PABPC1: variants seen among roughly 807,000 people sequenced by gnomAD.
The protein encoded by PABPC1 is poly(A) binding protein cytoplasmic 1, also known as polyadenylate-binding protein 1.
PABPC1 carries 4 observed loss-of-function variants against 74.0 expected under a neutral mutation model. The observed-to-expected ratio is 0.05, with a 90% CI of 0.03 to 0.12. PABPC1 has a LOEUF of 0.12. Among genes scored for constraint, PABPC1 ranks in the 10% least tolerant of loss-of-function variants. The probability of loss-of-function intolerance (pLI) is 1.00; values close to 1 mark genes in which losing one functional copy is unlikely to be tolerated. For missense variants in PABPC1, 271 were observed against 821.1 expected (o/e 0.33, Z 8.19); for synonymous variants, 227 against 264.1 (o/e 0.86, Z 1.36).
intron 7 of PABPC1, among the ~76,000 whole-genome samples, chr8:100,711,049 T>G (rs1357127233): frequency 1.3e-5 from 2 of 152,102 alleles, no homozygotes; most frequent in Admixed American, 1.3e-4. Context: ...CCCAACACTT[T>G]AGGAGGTCAC....
In PABPC1 at chr8:100,712,468, G is replaced by GA; in HGVS notation, c.877-12dup. The GA allele has an allele frequency of 6.4e-7, 1 of 1,561,180 alleles. No individual in the cohort carries two copies. ...ATAAAGATTAACACCCTAAAAAGAAGAAAAGAAAACTATAGAAAAAGAAAA... is the reference window on the plus strand; with the variant it reads ...ATAAAGATTAACACCCTAAAAAGAAGAAAAAGAAAACTATAGAAAAAGAAAA... On this transcript the variant is annotated splice_polypyrimidine_tract_variant and intron_variant, in intron 6 of 14. Coordinates refer to ENST00000318607, the MANE Select transcript of PABPC1 (RefSeq NM_002568.4).
chr8:100,712,286 A>G, intron 7 of PABPC1, 76 bp downstream of exon 7: 1 of 842,050 alleles, frequency 1.2e-6, no homozygotes, highest in Non-Finnish European at 1.9e-6. Context: ...CTATAATAAT[A>G]CAAAATTTAT....
At position 100,712,806 on chromosome 8, in the gene PABPC1, A is replaced by AAG. The variant is rs1810564235; in HGVS notation, c.739-19_739-18dup. ...ATCCACAGCCTTCCCCCCAAAAAAA[A>AAG]AGAAAAAAAAAAAATCACAAAACTT... On this transcript the variant is annotated splice_polypyrimidine_tract_variant and intron_variant, in intron 5 of 14. Coordinates refer to ENST00000318607, the MANE Select transcript of PABPC1 (RefSeq NM_002568.4). 1.4e-6 allele frequency: 2 copies of AAG among 1,473,308 alleles called. No individual in the cohort carries two copies. Among genetic ancestry groups the AAG allele is most frequent in the African/African-American group, 2.3e-5 (1 of 44,054 alleles). The allele number at this position is 1,473,308 out of a possible 1,614,324, so 91.3% of individuals were successfully genotyped here. A position where few individuals can be genotyped will look rare whatever the true frequency, so the allele number is the denominator to read the frequency against.
chr8:100,721,508 T>A lies in PABPC1; in HGVS notation c.76A>T (p.Met26Leu), dbSNP rs1810831116. The A allele has an allele frequency of 1.2e-6, 2 of 1,611,644 alleles. No homozygotes were observed. The highest frequency in any genetic ancestry group is 1.3e-5 in the African/African-American group (1 of 74,802). The stretch of plus-strand genomic sequence containing the variant: ...GCCGGGCTGAACTTCTCGTAGAGCA[T>A]CGCCTCGGTCACGTCGGGGTGGAGG... ...GDLHPDVTEA[M>L]LYEKFSPAGP... The change falls in exon 1 of 15, where the codon ATG becomes TTG. Residue 26 changes from methionine (M) to leucine (L), a missense_variant. By Grantham distance (15) the Met-to-Leu change is conservative. This residue lies in a region of PABPC1 where 47 missense variants were observed against 214.1 expected (regional missense o/e 0.22). Coordinates refer to ENST00000318607, the MANE Select transcript of PABPC1 (RefSeq NM_002568.4). This position sits in a 1 kb window ranked among gnomAD's most constrained non-coding sequence, Gnocchi z 7.4.
At chr8:100,707,314 AC>A (rs1810406284) in intron 9 of PABPC1, 3 of 278,534 alleles carry the variant, frequency 1.1e-5, no homozygotes, top group South Asian at 9.9e-5. Flanking sequence ...ACAGCTGGGC[AC>A]GGGGGACCAC....
At position 100,717,790 on chromosome 8, in the gene PABPC1, G is replaced by C. The variant is rs753869320; in HGVS notation, c.486C>G (p.Leu162=). ...TAACTTACACTTTGCGATCATTTAG[G>C]AGCATTCCATTCATTTTTTCAATAG... ...ERAIEKMNGM[L]LNDRKVFVGR... is the part of the protein sequence containing the mutation. Residue 162 remains leucine (L), a synonymous_variant, in exon 3 of 15, where the codon CTC becomes CTG. Coordinates refer to ENST00000318607, the MANE Select transcript of PABPC1 (RefSeq NM_002568.4). The C allele has an allele frequency of 3.7e-6, 6 of 1,604,150 alleles. 1 individual carries two copies. Among genetic ancestry groups the C allele is most frequent in the Non-Finnish European group, 5.1e-6 (6 of 1,170,914 alleles).
chr8:100,712,600 A>T, intron 6 of PABPC1, 52 bp downstream of exon 6: 1 of 1,575,020 alleles, frequency 6.3e-7, no homozygotes, highest in South Asian at 1.2e-5. Flanking sequence ...AATCAACGTA[A>T]AATAGGTTTC....
intron 9 of PABPC1, among the ~76,000 whole-genome samples, chr8:100,708,726 G>A (rs1002172701): frequency 6.7e-6 from 1 of 149,220 alleles, no homozygotes; most frequent in Non-Finnish European, 1.5e-5. Flanking sequence ...TAATGCGTAA[G>A]TTAGCTGGGC....
At position 100,707,670 on chromosome 8, in the gene PABPC1, T is replaced by A. The variant is rs573625390; in HGVS notation, c.1337-673A>T. Among the ~76,000 whole-genome samples, 6 of 152,264 alleles carry A rather than the reference T, an allele frequency of 3.9e-5. No homozygotes were observed. The South Asian group carries it at 1.2e-3, about 32-fold the overall frequency. On this transcript the variant is annotated intron_variant, in intron 9 of 14. Transcript: ENST00000318607. ...GCGTGACCACTGAAGCACAGCACCATAGGGAGACGGTTAGGCCTCTGGATA... is the reference window on the plus strand; with the variant it reads ...GCGTGACCACTGAAGCACAGCACCAAAGGGAGACGGTTAGGCCTCTGGATA...
intron 3 of PABPC1, 140 bp downstream of exon 3, chr8:100,717,633 T>G (rs1446144272): frequency 3.3e-6 from 2 of 605,442 alleles, no homozygotes; most frequent in East Asian, 5.6e-5. Context: ...GAATTTTTGT[T>G]ATTCATCTTT....
At chr8:100,712,136 T>C (rs1325388749) in intron 7 of PABPC1, among the ~76,000 whole-genome samples, 1 of 152,346 alleles carries the variant, frequency 6.6e-6, no homozygotes, top group East Asian at 1.9e-4. Context: ...GTTGGAATAG[T>C]GCATATCATG....
intron 8 of PABPC1, 77 bp downstream of exon 8, chr8:100,709,382 G>A (rs918187034): frequency 1.3e-5 from 20 of 1,553,122 alleles, no homozygotes; most frequent in Non-Finnish European, 1.8e-5. Flanking sequence ...CACATTTGCG[G>A]GGCGAGGGGC....
In PABPC1 at chr8:100,721,083, A is replaced by G. The variant is rs1055356668; in HGVS notation, c.193+308T>C. On this transcript the variant is annotated intron_variant, in intron 1 of 14. Transcript: ENST00000318607. The surrounding 1 kb of genome is among the most constrained non-coding windows in gnomAD (Gnocchi z 7.4). ...CCAGAATCCCGGGGCCACTGGCGGG[A>G]GCGCCGCGGAGGAACCGAATCTCAC... 2.0e-5 allele frequency among the ~76,000 whole-genome samples: 3 copies of G among 152,118 alleles called. No homozygotes were observed. Among genetic ancestry groups the G allele is most frequent in the African/African-American group, 7.2e-5 (3 of 41,418 alleles).
rs918258150 is a variant in PABPC1 at position 100,721,907 on chromosome 8, A to G, written c.-324T>C. 1 of 274,866 alleles carries G rather than the reference A, an allele frequency of 3.6e-6. No individual in the cohort carries two copies. Among genetic ancestry groups the G allele is most frequent in the Non-Finnish European group, 6.8e-6 (1 of 147,618 alleles). The allele number at this position is 274,866 out of a possible 1,614,324, so 17.0% of individuals were successfully genotyped here. Reference sequence around the variant, plus strand: ...CTCGGCTGCTTCACCGGGTTATTTTATAAAAGAGGAAGAAAAAAAATAAAA... The same window carrying G: ...CTCGGCTGCTTCACCGGGTTATTTTGTAAAAGAGGAAGAAAAAAAATAAAA... On this transcript the variant is annotated 5_prime_UTR_variant, in exon 1 of 15. Transcript: ENST00000318607. The surrounding 1 kb of genome is among the most constrained non-coding windows in gnomAD (Gnocchi z 7.4).
intron 4 of PABPC1, among the ~76,000 whole-genome samples, chr8:100,714,437 A>G (rs1238126255): frequency 6.6e-6 from 1 of 152,188 alleles, no homozygotes; most frequent in African/African-American, 2.4e-5. Flanking sequence ...GCAGTAAGAT[A>G]TTAGATTTCC....
chr8:100,716,422 C>T (rs538081752), intron 3 of PABPC1, among the ~76,000 whole-genome samples: 1 of 152,082 alleles, frequency 6.6e-6, no homozygotes, highest in East Asian at 1.9e-4. Context: ...GAACAACGAT[C>T]ACTGAAGAAA....
chr8:100,712,846 A>T lies in PABPC1; in HGVS notation c.739-57T>A, dbSNP rs1810566266. 3 of 1,508,348 alleles carry T rather than the reference A, an allele frequency of 2.0e-6. No homozygotes were observed. In the East Asian group the frequency reaches 7.0e-5, roughly 35 times the overall value. The allele number at this position is 1,508,348 out of a possible 1,614,324, so 93.4% of individuals were successfully genotyped here. On this transcript the variant is annotated intron_variant, in intron 5 of 14. Coordinates refer to ENST00000318607, the MANE Select transcript of PABPC1 (RefSeq NM_002568.4). Reference sequence around the variant, plus strand: ...TCACAAAACTTTCAACTTACAGTTCATTTCCTTAACAGTTAAGACAAATTT... The same window carrying T: ...TCACAAAACTTTCAACTTACAGTTCTTTTCCTTAACAGTTAAGACAAATTT...
In PABPC1 at chr8:100,721,688, C is replaced by G; in HGVS notation, c.-105G>C. On this transcript the variant is annotated 5_prime_UTR_variant, in exon 1 of 15. Transcript: ENST00000318607. The surrounding 1 kb of genome is among the most constrained non-coding windows in gnomAD (Gnocchi z 7.4). ...GAGCCGGGGGGAGGGGAGCGGGGAG[C>G]AAGCGCAGAGGGACAAAAATCAACC... The G allele has an allele frequency of 1.0e-6, 1 of 992,576 alleles. No individual in the cohort carries two copies. Among genetic ancestry groups the G allele is most frequent in the African/African-American group, 1.7e-5 (1 of 59,760 alleles). 61.5% of individuals were successfully genotyped at this position (992,576 alleles called of 1,614,324 possible).
intron 7 of PABPC1, among the ~76,000 whole-genome samples, chr8:100,710,505 A>C (rs1424912842): frequency 6.6e-6 from 1 of 152,246 alleles, no homozygotes; most frequent in Non-Finnish European, 1.5e-5. Flanking sequence ...TACTCAATAC[A>C]TGACACACTG....
Sources: gnomAD v4.1 joint callset for allele counts (sites outside exome capture counted in the v4.1 genomes callset) on GRCh38, gnomAD v4.1.1 for gene constraint, gnomAD v4.1.1 regional missense constraint, Gnocchi (gnomAD v3.1) non-coding constraint, MANE v1.5 for transcripts, NCBI Gene and HGNC (gene_info 2026-07-23, HGNC 2026-07-21) for gene names.